Variants in ZNF704 observed in about 807,000 individuals in gnomAD.
ZNF704 encodes the protein glucocorticoid induced gene 1.
In ZNF704, 10 loss-of-function variants were observed where a neutral mutation model predicts 44.7. The ratio of observed to expected loss-of-function variants is 0.22; its 90% CI spans 0.14 to 0.38. ZNF704 has a LOEUF of 0.38. Among genes scored for constraint, ZNF704 ranks in the 10% least tolerant of loss-of-function variants. ZNF704 has a pLI of 1.00. For synonymous variants in ZNF704, 211 were observed against 207.6 expected (o/e 1.02, Z -0.14); for missense variants, 390 against 545.5 (o/e 0.71, Z 2.84).
At chr8:80,847,074 G>A (rs1013278630) in intron 1 of ZNF704, among the ~76,000 whole-genome samples, 15 of 152,176 alleles carry the variant, frequency 9.9e-5, no homozygotes, top group African/African-American at 3.4e-4. Context: ...TCGGGTGGCT[G>A]AGGCAGGAGA....
At chr8:80,881,471 A>G in the ZNF704 span, among the ~76,000 whole-genome samples, 2 of 152,300 alleles carry the variant, frequency 1.3e-5, no homozygotes, top group Middle Eastern at 3.4e-3. Context: ...TACAAAATAT[A>G]CTATATACAT....
intron 2 of ZNF704, among the ~76,000 whole-genome samples, chr8:80,701,467 G>A (rs1818809056): frequency 6.6e-6 from 1 of 151,898 alleles, no homozygotes; most frequent in Non-Finnish European, 1.5e-5. Context: ...AGTCTCGCAG[G>A]GAGGTTAGCA....
At chr8:80,724,681 C>T (rs990771534) in intron 2 of ZNF704, among the ~76,000 whole-genome samples, 11 of 152,182 alleles carry the variant, frequency 7.2e-5, no homozygotes, top group Non-Finnish European at 1.5e-5. Context: ...TTATACCCGA[C>T]TGAACCCAAG....
chr8:80,760,892 T>C (rs926415493), intron 2 of ZNF704, among the ~76,000 whole-genome samples: 1 of 152,012 alleles, frequency 6.6e-6, no homozygotes, highest in African/African-American at 2.4e-5. Flanking sequence ...AGCAGGGAAC[T>C]GCTGCACACT....
At chr8:80,745,119 C>T (rs1483235205) in intron 2 of ZNF704, among the ~76,000 whole-genome samples, 2 of 152,144 alleles carry the variant, frequency 1.3e-5, no homozygotes, top group East Asian at 1.9e-4. Context: ...CAACCTCCTG[C>T]AGCATTCTTT....
At chr8:80,668,510 T>A (rs73691966) in intron 5 of ZNF704, among the ~76,000 whole-genome samples, 1,605 of 152,232 alleles carry the variant, frequency 0.011, 37 homozygotes, top group African/African-American at 0.037. Flanking sequence ...AGAACGAGCA[T>A]CTGTTCTATT....
chr8:80,747,936 T>C (rs189428546), intron 2 of ZNF704, among the ~76,000 whole-genome samples: 1 of 152,278 alleles, frequency 6.6e-6, no homozygotes, highest in Admixed American at 6.5e-5. Flanking sequence ...AGGATGGTCC[T>C]GATCTCCTGA....
At chr8:80,739,150 G>T (rs542629518) in intron 2 of ZNF704, among the ~76,000 whole-genome samples, 3 of 152,326 alleles carry the variant, frequency 2.0e-5, no homozygotes, top group Non-Finnish European at 4.4e-5. Context: ...TCATATCAAA[G>T]ATTACACATC....
At position 80,634,716 on chromosome 8, in the gene ZNF704, G is replaced by A. The variant is rs1585910160; in HGVS notation, c.*6650C>T. The A allele has an allele frequency of 6.6e-6, 1 of 152,258 alleles. No homozygotes were observed. Among genetic ancestry groups the A allele is most frequent in the Non-Finnish European group, 1.5e-5 (1 of 68,080 alleles). 9.4% of individuals were successfully genotyped at this position (152,258 alleles called of 1,614,324 possible). A position where few individuals can be genotyped will look rare whatever the true frequency, so the allele number is the denominator to read the frequency against. ...GTTCAACCTGGTCTCCACCATTCTT[G>A]TGTTCCTCTTTGCCTTATCCACATC... is the stretch of plus-strand genomic sequence containing the variant. On this transcript the variant is annotated 3_prime_UTR_variant, in exon 9 of 9. Transcript: ENST00000327835.
intron 2 of ZNF704, among the ~76,000 whole-genome samples, chr8:80,758,164 T>G (rs186403790): frequency 6.6e-6 from 1 of 152,332 alleles, no homozygotes; most frequent in Non-Finnish European, 1.5e-5. Context: ...CAGTCTCAAG[T>G]ATAAAGGGCT....
At chr8:80,649,163 C>T (rs1017763930) in intron 7 of ZNF704, among the ~76,000 whole-genome samples, 20 of 152,198 alleles carry the variant, frequency 1.3e-4, no homozygotes, top group African/African-American at 4.6e-4. Flanking sequence ...TTAGGTGTGA[C>T]CTCAGAAGAG....
intron 2 of ZNF704, among the ~76,000 whole-genome samples, chr8:80,791,968 G>C (rs1448496612): frequency 6.6e-6 from 1 of 152,212 alleles, no homozygotes; most frequent in Non-Finnish European, 1.5e-5. Context: ...TTGAGAGCAG[G>C]TGAGCTCAGT....
chr8:80,798,258 A>G (rs1324844702), intron 2 of ZNF704, among the ~76,000 whole-genome samples: 1 of 143,122 alleles, frequency 7.0e-6, no homozygotes, highest in Non-Finnish European at 1.5e-5. Context: ...TAGTGTCCAT[A>G]TTTTTTTTTT....
At chr8:80,702,497 C>T (rs925424118) in intron 2 of ZNF704, among the ~76,000 whole-genome samples, 2 of 152,100 alleles carry the variant, frequency 1.3e-5, no homozygotes, top group African/African-American at 4.8e-5. Context: ...GGCTGCTGGA[C>T]TAGCCCTATG....
intron 2 of ZNF704, among the ~76,000 whole-genome samples, chr8:80,792,266 A>G (rs1362000576): frequency 6.6e-6 from 1 of 152,208 alleles, no homozygotes; most frequent in Non-Finnish European, 1.5e-5. Context: ...GCTGTTAGAA[A>G]TGCAAATTTG....
At chr8:80,657,096 C>T (rs1356006476) in intron 7 of ZNF704, among the ~76,000 whole-genome samples, 1 of 152,094 alleles carries the variant, frequency 6.6e-6, no homozygotes. Flanking sequence ...TACAACAGTC[C>T]TGCATCTGTG....
At chr8:80,748,978 A>T (rs1192615087) in intron 2 of ZNF704, among the ~76,000 whole-genome samples, 3 of 152,184 alleles carry the variant, frequency 2.0e-5, no homozygotes, top group South Asian at 2.1e-4. Context: ...GGTGCTGGGG[A>T]TTCAGCAGTG....
At chr8:80,877,536 C>T (rs549871884), upstream of ZNF704, among the ~76,000 whole-genome samples, 3 of 152,212 alleles carry the variant, frequency 2.0e-5, no homozygotes, top group South Asian at 2.1e-4. Flanking sequence ...TTCTTTCCCC[C>T]ACATTCCCTA....
intron 2 of ZNF704, among the ~76,000 whole-genome samples, chr8:80,725,608 G>A (rs1245404569): frequency 6.6e-6 from 1 of 152,062 alleles, no homozygotes; most frequent in East Asian, 1.9e-4. Context: ...CCAGCAGAGA[G>A]GCTTCTGAAT....
Sources: gnomAD v4.1 joint callset for allele counts (sites outside exome capture counted in the v4.1 genomes callset) on GRCh38, gnomAD v4.1.1 for gene constraint, MANE v1.5 for transcripts, NCBI Gene and HGNC (gene_info 2026-07-23, HGNC 2026-07-21) for gene names.